Variants in EPHB1 observed in about 807,000 individuals in gnomAD.
EPHB1 encodes the protein ephrin type-B receptor 1.
In EPHB1, 30 loss-of-function variants were observed where a neutral mutation model predicts 94.4. The observed-to-expected ratio is 0.32, with a 90% CI of 0.24 to 0.43. The LOEUF is 0.43. Among genes scored for constraint, EPHB1 ranks in the 20% least tolerant of loss-of-function variants. The pLI is 1.00. For synonymous variants in EPHB1, 522 were observed against 489.1 expected, an observed-to-expected ratio of 1.07 and a Z score of -0.89; for missense variants, 1,055 against 1,308.3, an observed-to-expected ratio of 0.81 and a Z score of 2.99.
At chr3:135,156,030 C>G (rs1301510939) in intron 6 of EPHB1, among the ~76,000 whole-genome samples, 2 of 151,798 alleles carry the variant, frequency 1.3e-5, no homozygotes, top group East Asian at 3.9e-4. Flanking sequence ...AAAGGCAGAG[C>G]CAACAGGATT....
intron 1 of EPHB1, among the ~76,000 whole-genome samples, chr3:134,907,565 CT>C (rs1406105968): frequency 3.3e-5 from 5 of 152,168 alleles, no homozygotes; most frequent in Non-Finnish European, 5.9e-5. Flanking sequence ...GATGCAAGTG[CT>C]TTGCTGATTG....
chr3:135,096,911 C>A (rs1576380528), intron 3 of EPHB1, among the ~76,000 whole-genome samples: 1 of 152,024 alleles, frequency 6.6e-6, no homozygotes, highest in Non-Finnish European at 1.5e-5. Context: ...TCCTGGCTAA[C>A]ACGGTGAAAC....
intron 10 of EPHB1, among the ~76,000 whole-genome samples, chr3:135,184,428 A>G (rs192503231): frequency 4.1e-4 from 63 of 152,330 alleles, no homozygotes; most frequent in Non-Finnish European, 4.7e-4. Flanking sequence ...ACAATAATAA[A>G]TCATTAATTA....
Position 135,172,198 on chromosome 3 carries a change from C to A in EPHB1, c.1759+5192C>A, listed in dbSNP as rs750394862. On this transcript the variant is annotated intron_variant, in intron 9 of 15. Coordinates refer to ENST00000398015, the MANE Select transcript of EPHB1 (RefSeq NM_004441.5). ...CTGCTACCAAAGAGACTTGGAAATG[C>A]CAGTGTTCAGTGCTGCAGACACCCA... is the stretch of plus-strand genomic sequence containing the variant. Among the ~76,000 whole-genome samples the A allele has an allele frequency of 9.9e-5, 15 of 152,174 alleles. 1 individual carries two copies. Among genetic ancestry groups the A allele is most frequent in the Admixed American group, 8.5e-4 (13 of 15,284 alleles).
chr3:135,118,622 G>A (rs1026209721), intron 4 of EPHB1, among the ~76,000 whole-genome samples: 1 of 152,214 alleles, frequency 6.6e-6, no homozygotes, highest in African/African-American at 2.4e-5. Flanking sequence ...TATTGCCTCT[G>A]ATGTGACCTG....
intron 1 of EPHB1, among the ~76,000 whole-genome samples, chr3:134,894,331 C>A (rs2038045676): frequency 6.6e-6 from 1 of 152,122 alleles, no homozygotes; most frequent in African/African-American, 2.4e-5. Flanking sequence ...CTCAGGTCAC[C>A]CCTCTCTTGG....
At chr3:135,025,178 T>C (rs183766088) in intron 3 of EPHB1, among the ~76,000 whole-genome samples, 2 of 138,882 alleles carry the variant, frequency 1.4e-5, no homozygotes, top group Admixed American at 1.5e-4. Flanking sequence ...TTTTTTTTTT[T>C]TTTCAAGAAG....
chr3:134,995,365 T>A (rs1934955879), intron 3 of EPHB1, among the ~76,000 whole-genome samples: 1 of 152,242 alleles, frequency 6.6e-6, no homozygotes, highest in Non-Finnish European at 1.5e-5. Context: ...ATGGTATGGA[T>A]GTACTACAGA....
chr3:134,920,605 A>G lies in EPHB1; in HGVS notation c.59-5211A>G, dbSNP rs370895153. ...ATGGAAGGACACTGTAAATATTTCA[A>G]CTGAATATCTGATTAATGTCTCTCC... On this transcript the variant is annotated intron_variant, in intron 1 of 15. Coordinates refer to ENST00000398015, the MANE Select transcript of EPHB1 (RefSeq NM_004441.5). Among the ~76,000 whole-genome samples the G allele has an allele frequency of 3.3e-5, 5 of 152,306 alleles. No homozygotes were observed. The East Asian group carries it at 9.7e-4, about 29-fold the overall frequency.
intron 1 of EPHB1, among the ~76,000 whole-genome samples, chr3:134,847,386 C>T (rs1002292352): frequency 6.6e-6 from 1 of 152,232 alleles, no homozygotes; most frequent in Non-Finnish European, 1.5e-5. Flanking sequence ...TTTAAGCTCA[C>T]TGAGCCTCAG....
At chr3:134,874,061 G>T (rs2037561256) in intron 1 of EPHB1, among the ~76,000 whole-genome samples, 1 of 152,220 alleles carries the variant, frequency 6.6e-6, no homozygotes. Context: ...TGGACAGACT[G>T]TGTTCACCAG....
At chr3:134,852,076 G>A (rs909451223) in intron 1 of EPHB1, among the ~76,000 whole-genome samples, 4 of 152,142 alleles carry the variant, frequency 2.6e-5, no homozygotes, top group African/African-American at 9.7e-5. Flanking sequence ...CCTGGCAGTC[G>A]GCTGTGCACT....
chr3:134,937,912 CTTTTTTT>C (rs113610495), intron 2 of EPHB1, among the ~76,000 whole-genome samples: 1 of 122,614 alleles, frequency 8.2e-6, no homozygotes, highest in Non-Finnish European at 1.7e-5. Context: ...TGGTTCCCTC[CTTTTTTT>C]TTTTTTTTTT....
chr3:134,880,877 A>C (rs1051368114), intron 1 of EPHB1, among the ~76,000 whole-genome samples: 1 of 152,180 alleles, frequency 6.6e-6, no homozygotes, highest in Non-Finnish European at 1.5e-5. Flanking sequence ...TTTAAGAGGG[A>C]TGGAATATTA....
chr3:134,857,632 G>A (rs2037152134), intron 1 of EPHB1, among the ~76,000 whole-genome samples: 1 of 152,084 alleles, frequency 6.6e-6, no homozygotes, highest in African/African-American at 2.4e-5. Context: ...TAGAAACAAA[G>A]ACTTCGTCCA....
intron 3 of EPHB1, among the ~76,000 whole-genome samples, chr3:135,046,698 CTG>C (rs894548737): frequency 1.3e-5 from 2 of 152,310 alleles, no homozygotes; most frequent in African/African-American, 2.4e-5. Flanking sequence ...GCCGAGCAAT[CTG>C]TGTCTTAACA....
intron 3 of EPHB1, among the ~76,000 whole-genome samples, chr3:135,019,453 T>G (rs1239771203): frequency 6.6e-6 from 1 of 152,174 alleles, no homozygotes; most frequent in African/African-American, 2.4e-5. Flanking sequence ...TGCCTGTAGA[T>G]GAATATGTCA....
intron 12 of EPHB1, among the ~76,000 whole-genome samples, chr3:135,203,359 C>G (rs2107713688): frequency 6.6e-6 from 1 of 152,172 alleles, no homozygotes; most frequent in East Asian, 1.9e-4. Context: ...CACATGTATA[C>G]CTATGAAACA....
At chr3:135,180,760 A>T (rs1309976767) in intron 10 of EPHB1, among the ~76,000 whole-genome samples, 2 of 152,248 alleles carry the variant, frequency 1.3e-5, no homozygotes, top group Non-Finnish European at 2.9e-5. Context: ...GAGATAAAAC[A>T]TCTCAAAAAT....
Sources: gnomAD v4.1 joint callset for allele counts (sites outside exome capture counted in the v4.1 genomes callset) on GRCh38, gnomAD v4.1.1 for gene constraint, MANE v1.5 for transcripts, NCBI Gene and HGNC (gene_info 2026-07-23, HGNC 2026-07-21) for gene names.